A2ML1: variants seen among roughly 807,000 people sequenced by gnomAD.
The protein encoded by A2ML1 is alpha-2-macroglobulin-like protein 1.
In A2ML1, 161 loss-of-function variants were observed where a neutral mutation model predicts 181.9. The observed-to-expected ratio is 0.89, with a 90% confidence interval of 0.78 to 1.01. A2ML1 has a LOEUF of 1.01. Among genes scored for constraint, A2ML1 ranks in the 50% least tolerant of loss-of-function variants. The pLI is 0.00. For synonymous variants in A2ML1, 663 were observed against 666.8 expected, an observed-to-expected ratio of 0.99 and a Z score of 0.09; for missense variants, 1,670 against 1,768.1, an observed-to-expected ratio of 0.94 and a Z score of 1.00.
At position 8,868,425 on chromosome 12, in the gene A2ML1, T is replaced by C. The variant is rs73234380; in HGVS notation, c.4061+68T>C. The C allele has an allele frequency of 0.084, 132,716 of 1,588,824 alleles. 6,470 individuals are homozygous for C. Among genetic ancestry groups the C allele is most frequent in the African/African-American group, 0.18 (13,055 of 72,104 alleles). On this transcript the variant is annotated intron_variant, in intron 31 of 35. Transcript: ENST00000299698. ...CATAGGAGCTGAGCTGGGACACTTG[T>C]GTGTGTGTGTGTCTGTGTATGTGTG...
At chr12:8,886,873 G>A (rs1456955104) in exon 8 of A2ML1, 1 of 152,198 alleles carries the variant, frequency 6.6e-6, no homozygotes, top group African/African-American at 2.4e-5. Flanking sequence ...GCCAGGTGTG[G>A]TGGCTCATGC....
chr12:8,865,608 G>T (rs1944400518), intron 29 of A2ML1, among the ~76,000 whole-genome samples: 2 of 152,296 alleles, frequency 1.3e-5, no homozygotes, highest in South Asian at 4.1e-4. Flanking sequence ...TCAGCCACTT[G>T]GTGTGTGAGA....
In A2ML1 at chr12:8,837,557, C is replaced by T; in HGVS notation, c.846C>T (p.Leu282=). ...REQLPDKCRN[L]SGQTDKTGCF... is the part of the protein sequence containing the mutation. ...AGCTTCCTGACAAATGCAGGAACCT[C>T]TCTGGACAGGTGAGTAAATGACAGG... Residue 282 remains leucine, a synonymous_variant, in exon 8 of 36, where the codon CTC becomes CTT. Coordinates refer to ENST00000299698, the MANE Select transcript of A2ML1 (RefSeq NM_144670.6). 1 of 1,613,348 alleles carries T rather than the reference C, an allele frequency of 6.2e-7. No individual in the cohort carries two copies. The highest frequency in any genetic ancestry group is 1.1e-5 in the South Asian group (1 of 91,068).
intron 21 of A2ML1, among the ~76,000 whole-genome samples, 155 bp downstream of exon 21, chr12:8,854,404 A>C (rs1307991452): frequency 6.6e-6 from 1 of 152,090 alleles, no homozygotes; most frequent in Non-Finnish European, 1.5e-5. Context: ...TGCCTAATCC[A>C]CACCCACGGC....
downstream of A2ML1, chr12:8,880,591 T>C (rs1361289464): frequency 1.3e-5 from 2 of 152,020 alleles, no homozygotes; most frequent in East Asian, 1.9e-4. Flanking sequence ...CTTGAAACCA[T>C]TTAGGAGACT....
intron 16 of A2ML1, among the ~76,000 whole-genome samples, chr12:8,849,326 T>G (rs2136864588): frequency 6.6e-6 from 1 of 152,332 alleles, no homozygotes; most frequent in African/African-American, 2.4e-5. Context: ...GCCTGACCCT[T>G]CATAAGGCTC....
intron 16 of A2ML1, among the ~76,000 whole-genome samples, chr12:8,849,349 T>A (rs1168558070): frequency 6.6e-6 from 1 of 152,242 alleles, no homozygotes; most frequent in East Asian, 1.9e-4. Flanking sequence ...TGTATTTTTG[T>A]TGAATTGAGT....
chr12:8,842,224 T>A (rs1216908072), intron 11 of A2ML1, among the ~76,000 whole-genome samples: 1 of 150,324 alleles, frequency 6.7e-6, no homozygotes, highest in Non-Finnish European at 1.5e-5. Flanking sequence ...TTTTTTTCTT[T>A]TTTTTTTTTT....
intron 7 of A2ML1, among the ~76,000 whole-genome samples, chr12:8,883,355 G>A (rs1944887585): frequency 1.3e-5 from 2 of 152,116 alleles, no homozygotes; most frequent in South Asian, 2.1e-4. Flanking sequence ...GAGCAGCCAC[G>A]TGCCCAACTA....
Position 8,868,214 on chromosome 12 carries a change from T to C in A2ML1, c.3934-16T>C. 1 of 1,613,686 alleles carries C rather than the reference T, an allele frequency of 6.2e-7. No homozygotes were observed. The highest frequency in any genetic ancestry group is 1.3e-5 in the African/African-American group (1 of 75,026). On this transcript the variant is annotated splice_polypyrimidine_tract_variant and intron_variant, in intron 30 of 35. Coordinates refer to ENST00000299698, the MANE Select transcript of A2ML1 (RefSeq NM_144670.6). ...TCTTTCCAAGTCTGATTTGGCTACC[T>C]ATTTCTTCCTACCAGACGGTGTTGA...
In A2ML1 at chr12:8,841,445, C is replaced by T; in HGVS notation, c.1157C>T (p.Thr386Ile). 6.2e-7 allele frequency: 1 copy of T among 1,614,114 alleles called. No individual in the cohort carries two copies. Among genetic ancestry groups the T allele is most frequent in the Non-Finnish European group, 8.5e-7 (1 of 1,180,030 alleles). ...VFLVIYGTNG[T>I]FNQTLVTDNN... is the part of the protein sequence containing the mutation. Reference sequence around the variant, plus strand: ...CTGGTGATTTATGGCACAAATGGAACCTTCAACCAGACCCTGGTTACTGAT... The same window carrying T: ...CTGGTGATTTATGGCACAAATGGAATCTTCAACCAGACCCTGGTTACTGAT... The change falls in exon 11 of 36, where the codon ACC (threonine) becomes ATC (isoleucine). Residue 386 changes from threonine to isoleucine, a missense_variant. By Grantham distance (89) the Thr-to-Ile change is moderately conservative. Transcript: ENST00000299698.
rs761671142 is a variant in A2ML1, at chr12:8,823,188, C to T, written c.69C>T (p.Tyr23=). Residue 23 remains tyrosine (Y), a synonymous_variant, in exon 2 of 36, where the codon TAC becomes TAT. Coordinates refer to ENST00000299698, the MANE Select transcript of A2ML1 (RefSeq NM_144670.6). ...SPAIAEELPN[Y]LVTLPARLNF... ...CCTTCTGCTCCTTTAATAGAAACTA[C>T]CTGGTGACATTACCAGCCCGGCTAA... 2.5e-6 allele frequency: 4 copies of T among 1,613,334 alleles called. No homozygotes were observed. The East Asian group carries it at 8.9e-5, about 36-fold the overall frequency.
Position 8,836,320 on chromosome 12 carries a change from T to G in A2ML1, c.709T>G (p.Leu237Val), listed in dbSNP as rs755006090. Residue 237 changes from leucine to valine, a missense_variant, in exon 7 of 36, where the codon TTA (leucine) becomes GTA (valine). Transcript: ENST00000299698. ...GTTATCAACGGTGCAGGAATCTTTCTTAGTAAAAATTTGTTGTAGGTAAGA... is the reference window on the plus strand; with the variant it reads ...GTTATCAACGGTGCAGGAATCTTTCGTAGTAAAAATTTGTTGTAGGTAAGA... ...KELSTVQESFLVKICCRYTYG... is the reference protein window; with the variant it reads ...KELSTVQESFVVKICCRYTYG... 2 of 1,613,948 alleles carry G rather than the reference T, an allele frequency of 1.2e-6. No individual in the cohort carries two copies. The highest frequency in any genetic ancestry group is 3.3e-5 in the Admixed American group (2 of 59,992).
rs149754945 is a variant in A2ML1 at position 8,846,352 on chromosome 12, A to G, written c.1683+130A>G. On this transcript the variant is annotated intron_variant, in intron 14 of 35. Transcript: ENST00000299698. ...TGACGTTGGATGTTGTATTATATTTATATCTTTAGTGTTTGGGGTTTGTGT... is the reference window on the plus strand; with the variant it reads ...TGACGTTGGATGTTGTATTATATTTGTATCTTTAGTGTTTGGGGTTTGTGT... 26 of 1,056,064 alleles carry G rather than the reference A, an allele frequency of 2.5e-5. No homozygotes were observed. The African/African-American group carries it at 3.5e-4, about 14-fold the overall frequency. The allele number at this position is 1,056,064 out of a possible 1,614,324, so 65.4% of individuals were successfully genotyped here.
Position 8,845,510 on chromosome 12 carries a change from T to C in A2ML1, c.1537+8T>C. 1 of 1,614,010 alleles carries C rather than the reference T, an allele frequency of 6.2e-7. No individual in the cohort carries two copies. The highest frequency in any genetic ancestry group is 8.5e-7 in the Non-Finnish European group (1 of 1,179,932). ...TGAACTCTAAGAAGAAAGGTGAGTG[T>C]ACATGCTTTTCCCGGAAGCAAACAG... On this transcript the variant is annotated splice_region_variant and intron_variant, in intron 13 of 35. Transcript: ENST00000299698.
Position 8,850,290 on chromosome 12 carries a change from A to T in A2ML1, c.2234+16A>T. On this transcript the variant is annotated intron_variant, in intron 18 of 35. Coordinates refer to ENST00000299698, the MANE Select transcript of A2ML1 (RefSeq NM_144670.6). The stretch of plus-strand genomic sequence containing the variant: ...TTCCTATTGGGTAAGTGATGACTCA[A>T]AAGTACAGTAAAGGGCCAGGTGCAT... 1 of 1,585,366 alleles carries T rather than the reference A, an allele frequency of 6.3e-7. No individual in the cohort carries two copies. The highest frequency in any genetic ancestry group is 1.1e-5 in the South Asian group (1 of 87,880).
chr12:8,832,975 T>C (rs1867294133), intron 4 of A2ML1, among the ~76,000 whole-genome samples: 1 of 70,304 alleles, frequency 1.4e-5, no homozygotes, highest in African/African-American at 5.3e-5. Flanking sequence ...GAAATGCTAC[T>C]TTCCTTTTTT....
chr12:8,855,682 G>A (rs1049851143), intron 23 of A2ML1, 90 bp downstream of exon 23: 14 of 1,217,676 alleles, frequency 1.1e-5, no homozygotes, highest in Admixed American at 1.1e-4. Context: ...GGACCTATCC[G>A]GAGAGTGTAA....
At position 8,846,081 on chromosome 12, in the gene A2ML1, GA is replaced by G. The variant is rs1331305699; in HGVS notation, c.1545del (p.Ala516ProfsTer7). On this transcript the variant is annotated frameshift_variant, in exon 14 of 36. Coordinates refer to ENST00000299698, the MANE Select transcript of A2ML1 (RefSeq NM_144670.6). LOFTEE classifies it high-confidence loss of function. Reference sequence around the variant, plus strand: ...ATATTCCCTCTTCTCTTTCAGGACTGAAAGCCTCCTTCTCTCTCTCACTGAC... The same window carrying G: ...ATATTCCCTCTTCTCTTTCAGGACTGAAGCCTCCTTCTCTCTCTCACTGAC... ...KHLNSKKKGL[K>X]ASFSLSLTFT... is the part of the protein sequence containing the mutation. 10 of 1,613,950 alleles carry G rather than the reference GA, an allele frequency of 6.2e-6. No individual in the cohort carries two copies. The highest frequency in any genetic ancestry group is 8.5e-6 in the Non-Finnish European group (10 of 1,179,994).
Sources: allele counts gnomAD v4.1 joint callset (sites outside exome capture counted in the v4.1 genomes callset), GRCh38; gene constraint gnomAD v4.1.1; transcripts MANE v1.5; gene names NCBI Gene and HGNC (gene_info 2026-07-23, HGNC 2026-07-21).